ATXN2: variants seen among roughly 807,000 people sequenced by gnomAD.
ATXN2 encodes the protein ataxin 2, also known as ataxin-2.
A neutral mutation model predicts 138.6 loss-of-function variants in ATXN2; 37 were observed. That is an observed-to-expected ratio of 0.27 (90% CI 0.21 to 0.35). ATXN2 has a LOEUF of 0.35. Ranked by LOEUF, ATXN2 falls within the 10% of genes least tolerant of loss-of-function variation. ATXN2 has a pLI of 1.00. For synonymous variants in ATXN2, 549 were observed against 543.7 expected (o/e 1.01, Z -0.13); for missense variants, 1,216 against 1,480.3 (o/e 0.82, Z 2.93).
rs1881450706 is a variant in ATXN2, at chr12:111,540,688, G to A, written c.571+11592C>T. ...TTAAATGTATGGTACTTTTGGACAC[G>A]TCTAAGTCTTTTTTTTTTTTTTTTT... On this transcript the variant is annotated intron_variant, in intron 5 of 24. Transcript: ENST00000673436. 1.4e-5 allele frequency among the ~76,000 whole-genome samples: 2 copies of A among 145,536 alleles called. 1 individual carries two copies. Among genetic ancestry groups the A allele is most frequent in the Non-Finnish European group, 3.0e-5 (2 of 65,988 alleles).
chr12:111,454,720 C>T, intron 23 of ATXN2: 1 of 325,494 alleles, frequency 3.1e-6, no homozygotes, highest in Non-Finnish European at 6.0e-6. Context: ...TTTACTCTCA[C>T]ATATTCAAAC....
chr12:111,581,572 C>T (rs1234970579), intron 1 of ATXN2: 5 of 873,716 alleles, frequency 5.7e-6, no homozygotes, highest in Middle Eastern at 2.2e-4. Context: ...TGTTCAACAC[C>T]CACTTCATGA....
intron 11 of ATXN2, chr12:111,511,121 C>G (rs1013897406): frequency 6.6e-6 from 1 of 152,430 alleles, no homozygotes; most frequent in African/African-American, 2.4e-5. Flanking sequence ...ATAATAAAAG[C>G]AGGGTTTGTA....
intron 14 of ATXN2, among the ~76,000 whole-genome samples, chr12:111,496,799 A>T (rs1225545590): frequency 6.6e-6 from 1 of 152,152 alleles, no homozygotes; most frequent in East Asian, 1.9e-4. Flanking sequence ...GAAAAACTTC[A>T]TCTGCCAATA....
chr12:111,540,668 T>C (rs920588020), intron 5 of ATXN2, among the ~76,000 whole-genome samples: 5 of 149,700 alleles, frequency 3.3e-5, no homozygotes, highest in Admixed American at 6.7e-5. Context: ...TCTTTTTAAA[T>C]GTATGGTACT....
intron 14 of ATXN2, among the ~76,000 whole-genome samples, chr12:111,502,382 T>C (rs1176810934): frequency 6.6e-6 from 1 of 152,218 alleles, no homozygotes; most frequent in Non-Finnish European, 1.5e-5. Flanking sequence ...CACTCTGCTG[T>C]ATTTCCTCTC....
intron 14 of ATXN2, among the ~76,000 whole-genome samples, chr12:111,506,242 C>T (rs1335709114): frequency 6.6e-6 from 1 of 152,104 alleles, no homozygotes; most frequent in Non-Finnish European, 1.5e-5. Flanking sequence ...GACTGCTAAA[C>T]TGGGCACGGG....
In ATXN2 at chr12:111,598,961, TG is replaced by T; in HGVS notation, c.73del (p.Gln25SerfsTer21). On this transcript the variant is annotated frameshift_variant, in exon 1 of 25. Coordinates refer to ENST00000673436, the MANE Select transcript of ATXN2 (RefSeq NM_001372574.1). LOFTEE classifies it high-confidence loss of function. The surrounding 1 kb of genome is among the most constrained non-coding windows in gnomAD (Gnocchi z 4.5). ...QQQQQQQQQQ[Q>X]QQQPPPAAAN... ...AGCCGCGGGCGGCGGCTGCTGCTGC[TG>T]CTGCTGCTGCTGCTGTTGCTGCTGC... 3 of 1,500,828 alleles carry T rather than the reference TG, an allele frequency of 2.0e-6. No homozygotes were observed. In the South Asian group the frequency reaches 3.7e-5, roughly 19 times the overall value. 93.0% of individuals were successfully genotyped at this position (1,500,828 alleles called of 1,614,324 possible).
chr12:111,512,892 A>G (rs1879623721), intron 11 of ATXN2: 1 of 156,130 alleles, frequency 6.4e-6, no homozygotes, highest in Non-Finnish European at 1.4e-5. Flanking sequence ...CAGATGCTAT[A>G]GAAACACACT....
intron 3 of ATXN2, among the ~76,000 whole-genome samples, chr12:111,553,604 A>AAAAAAAAAATTTTTTTTT (rs1882237738): frequency 1.2e-5 from 1 of 85,004 alleles, no homozygotes; most frequent in African/African-American, 7.6e-5. Context: ...AAAAAAAAAA[A>AAAAAAAAAATTTTTTTTT]TTTTTTTTTT....
chr12:111,522,070 C>T (rs972698052), intron 6 of ATXN2, among the ~76,000 whole-genome samples: 1 of 152,074 alleles, frequency 6.6e-6, no homozygotes, highest in East Asian at 1.9e-4. Context: ...AGGCTTGCCT[C>T]GAAGTTCACC....
chr12:111,529,416 A>G (rs1045319622), intron 5 of ATXN2, among the ~76,000 whole-genome samples: 3 of 152,196 alleles, frequency 2.0e-5, no homozygotes, highest in Non-Finnish European at 4.4e-5. Context: ...AAAAACATAA[A>G]AACCATCAGA....
intron 11 of ATXN2, chr12:111,513,075 T>G: frequency 2.7e-6 from 1 of 369,608 alleles, no homozygotes; most frequent in Non-Finnish European, 4.8e-6. Context: ...ATGAACCTTA[T>G]AGGAATCTCA....
At chr12:111,475,942 C>T (rs1876787005) in intron 18 of ATXN2, among the ~76,000 whole-genome samples, 1 of 152,050 alleles carries the variant, frequency 6.6e-6, no homozygotes, top group Non-Finnish European at 1.5e-5. Context: ...ATCTATCCAT[C>T]TATGCGCACG....
chr12:111,509,423 G>A, intron 14 of ATXN2, 126 bp downstream of exon 14: 2 of 622,846 alleles, frequency 3.2e-6, no homozygotes, highest in Middle Eastern at 4.6e-4. Flanking sequence ...CTTTAAAAAT[G>A]TTCTGCTTTC....
intron 2 of ATXN2, among the ~76,000 whole-genome samples, chr12:111,555,301 C>T (rs1375238881): frequency 1.3e-5 from 2 of 152,140 alleles, no homozygotes; most frequent in Admixed American, 6.5e-5. Flanking sequence ...TGTTATTACA[C>T]GTGACAAAAA....
At chr12:111,597,639 CT>C in intron 1 of ATXN2, 1 of 446,032 alleles carries the variant, frequency 2.2e-6, no homozygotes, top group Admixed American at 2.4e-5. Context: ...ACAGGCCCTC[CT>C]GCACAAACAC....
chr12:111,485,073 G>A (rs1305763975), intron 18 of ATXN2, 192 bp downstream of exon 18: 2 of 520,828 alleles, frequency 3.8e-6, no homozygotes, highest in South Asian at 3.4e-5. Context: ...CACAACTGAT[G>A]GGCATTTTTT....
At chr12:111,456,824 T>C (rs1875138109) in intron 22 of ATXN2, among the ~76,000 whole-genome samples, 2 of 152,294 alleles carry the variant, frequency 1.3e-5, no homozygotes, top group South Asian at 4.1e-4. Context: ...CTCTGCTCAC[T>C]GCAAGCTCCG....
Sources: gnomAD v4.1 joint callset for allele counts (sites outside exome capture counted in the v4.1 genomes callset) on GRCh38, gnomAD v4.1.1 for gene constraint, Gnocchi (gnomAD v3.1) non-coding constraint, MANE v1.5 for transcripts, NCBI Gene and HGNC (gene_info 2026-07-23, HGNC 2026-07-21) for gene names.